Variants in GRIN2B observed in about 807,000 individuals in gnomAD.
The protein encoded by GRIN2B is glutamate ionotropic receptor NMDA type subunit 2B, also known as glutamate receptor ionotropic, NMDA 2B.
In GRIN2B, 5 loss-of-function variants were observed where a neutral mutation model predicts 114.5. The ratio of observed to expected loss-of-function variants is 0.04; its 90% confidence interval spans 0.02 to 0.09. GRIN2B has a LOEUF of 0.09. Among genes scored for constraint, GRIN2B ranks in the 10% least tolerant of loss-of-function variants. The pLI is 1.00. For synonymous variants in GRIN2B, 787 were observed against 745.1 expected (o/e 1.06, Z -0.92); for missense variants, 1,108 against 1,943.5 (o/e 0.57, Z 8.08).
intron 10 of GRIN2B, among the ~76,000 whole-genome samples, chr12:13,593,186 G>GA (rs1949030451): frequency 6.6e-6 from 1 of 152,070 alleles, no homozygotes; most frequent in Non-Finnish European, 1.5e-5. Context: ...CACAGAATTG[G>GA]AAAAAACTAC....
intron 2 of GRIN2B, among the ~76,000 whole-genome samples, chr12:13,888,795 A>T (rs1591604661): frequency 8.3e-6 from 1 of 120,394 alleles, no homozygotes; most frequent in African/African-American, 2.6e-5. Context: ...TAAAAGATAA[A>T]AAAAAAAAAA....
chr12:13,763,574 A>G (rs1050813019), intron 3 of GRIN2B, among the ~76,000 whole-genome samples: 1 of 152,052 alleles, frequency 6.6e-6, no homozygotes, highest in African/African-American at 2.4e-5. Flanking sequence ...CCTGTTCTAT[A>G]CGAGATGATT....
rs926635079 is a variant in GRIN2B, at chr12:13,615,473, C to T, written c.1500+20G>A. 3 of 1,600,264 alleles carry T rather than the reference C, an allele frequency of 1.9e-6. No homozygotes were observed. Among genetic ancestry groups the T allele is most frequent in the Non-Finnish European group, 2.6e-6 (3 of 1,167,544 alleles). ...AAATAAATGAAAATGGAAATGGAAACAGCCCTTGTGGACACTCACCTCTCC... is the reference window on the plus strand; with the variant it reads ...AAATAAATGAAAATGGAAATGGAAATAGCCCTTGTGGACACTCACCTCTCC... On this transcript the variant is annotated intron_variant, in intron 7 of 13. Coordinates refer to ENST00000609686, the MANE Select transcript of GRIN2B (RefSeq NM_000834.5). The surrounding 1 kb of genome is among the most constrained non-coding windows in gnomAD (Gnocchi z 5.8).
intron 4 of GRIN2B, among the ~76,000 whole-genome samples, chr12:13,716,484 T>C (rs1199659789): frequency 7.2e-5 from 11 of 151,920 alleles, no homozygotes; most frequent in Non-Finnish European, 1.5e-4. Flanking sequence ...TGACTTTGAA[T>C]ATCTTACCGT....
rs559755945 is a variant in GRIN2B at position 13,766,808 on chromosome 12, A to G, written c.412-12893T>C. Among the ~76,000 whole-genome samples the G allele has an allele frequency of 9.3e-4, 141 of 152,276 alleles. 1 individual carries two copies. The Middle Eastern group carries it at 0.017, about 18-fold the overall frequency. On this transcript the variant is annotated intron_variant, in intron 3 of 13. Transcript: ENST00000609686. The stretch of plus-strand genomic sequence containing the variant: ...AATTCCTCATCTCTTCTCTTCTCTC[A>G]GTGTATTTGATTTCTTTACACTGGC...
At chr12:13,854,002 C>T (rs1262658103) in intron 3 of GRIN2B, among the ~76,000 whole-genome samples, 1 of 152,010 alleles carries the variant, frequency 6.6e-6, no homozygotes, top group African/African-American at 2.4e-5. Flanking sequence ...GAACTACTAC[C>T]ATTACTTACA....
At chr12:13,724,223 A>G (rs1862935318) in intron 4 of GRIN2B, among the ~76,000 whole-genome samples, 1 of 152,202 alleles carries the variant, frequency 6.6e-6, no homozygotes, top group African/African-American at 2.4e-5. Flanking sequence ...GAGCCAGGTC[A>G]TAGCACAACT....
chr12:13,950,048 C>T (rs886449214), intron 2 of GRIN2B, among the ~76,000 whole-genome samples: 2 of 152,152 alleles, frequency 1.3e-5, no homozygotes, highest in Middle Eastern at 6.8e-3. Context: ...AAATAAGAGA[C>T]AACCAGAGGA....
intron 10 of GRIN2B, among the ~76,000 whole-genome samples, chr12:13,584,090 G>A (rs1249245526): frequency 1.3e-5 from 2 of 152,142 alleles, no homozygotes; most frequent in African/African-American, 4.8e-5. Flanking sequence ...CGAAGGAGAG[G>A]AAGCGGCAGA....
At position 13,562,907 on chromosome 12, in the gene GRIN2B, T is replaced by G; in HGVS notation, c.4331A>C (p.Lys1444Thr). Residue 1444 changes from lysine (K) to threonine (T), a missense_variant, in exon 14 of 14, where the codon AAG (lysine) becomes ACG (threonine). Physicochemically the swap from Lys to Thr is moderately conservative, Grantham distance 78. Around this residue, in one of 19 missense-constraint regions of GRIN2B, gnomAD observed 478 missense variants for 506.0 expected, o/e 0.94. Coordinates refer to ENST00000609686, the MANE Select transcript of GRIN2B (RefSeq NM_000834.5). The stretch of plus-strand genomic sequence containing the variant: ...GGACTGGTTCCCTATACAGATGTCC[T>G]TCTGGAAACGGGCTGGCACGGCCCC... ...LHGAVPARFQ[K>T]DICIGNQSNP... The G allele has an allele frequency of 1.2e-6, 2 of 1,614,216 alleles. No individual in the cohort carries two copies. Among genetic ancestry groups the G allele is most frequent in the Non-Finnish European group, 1.7e-6 (2 of 1,180,032 alleles).
At chr12:13,890,610 G>A (rs1232938269) in intron 2 of GRIN2B, among the ~76,000 whole-genome samples, 1 of 152,136 alleles carries the variant, frequency 6.6e-6, no homozygotes, top group African/African-American at 2.4e-5. Flanking sequence ...TTTACTTAGT[G>A]TATATATTTC....
intron 2 of GRIN2B, among the ~76,000 whole-genome samples, chr12:13,962,253 C>T (rs892380399): frequency 2.0e-5 from 3 of 152,102 alleles, no homozygotes; most frequent in African/African-American, 7.2e-5. Flanking sequence ...CAGAGGGAGG[C>T]TCACGCTCTT....
intron 3 of GRIN2B, among the ~76,000 whole-genome samples, chr12:13,822,719 T>C (rs1443551408): frequency 1.3e-5 from 2 of 152,148 alleles, no homozygotes; most frequent in African/African-American, 4.8e-5. Flanking sequence ...ATTTAGTCTT[T>C]ACACATTTTA....
intron 2 of GRIN2B, among the ~76,000 whole-genome samples, chr12:13,951,906 G>T (rs1219200044): frequency 6.6e-6 from 1 of 151,914 alleles, no homozygotes; most frequent in Non-Finnish European, 1.5e-5. Context: ...GAAGAGGGGA[G>T]AAAAAGAAAG....
At chr12:13,660,071 G>A (rs1330243194) in intron 5 of GRIN2B, among the ~76,000 whole-genome samples, 1 of 152,148 alleles carries the variant, frequency 6.6e-6, no homozygotes, top group Non-Finnish European at 1.5e-5. Context: ...CTCACAGCGA[G>A]GTGGCTGGCT....
chr12:13,640,580 A>C (rs1163013308), intron 5 of GRIN2B, among the ~76,000 whole-genome samples: 2 of 152,140 alleles, frequency 1.3e-5, no homozygotes, highest in Non-Finnish European at 2.9e-5. Flanking sequence ...CTTTATTCCG[A>C]ATCTGGCTTT....
At chr12:13,824,133 T>C (rs185759318) in intron 3 of GRIN2B, among the ~76,000 whole-genome samples, 2 of 152,156 alleles carry the variant, frequency 1.3e-5, no homozygotes, top group African/African-American at 4.8e-5. Flanking sequence ...AGGAAAAGAA[T>C]ACTGATAAGG....
At chr12:13,981,765 CAGGAGGGG>C (rs897625481), upstream of GRIN2B, among the ~76,000 whole-genome samples, 1 of 146,840 alleles carries the variant, frequency 6.8e-6, no homozygotes, top group Non-Finnish European at 1.5e-5. Context: ...AGAGGGAGAG[CAGGAGGGG>C]AGGAGGGGAG....
intron 2 of GRIN2B, among the ~76,000 whole-genome samples, chr12:13,880,338 C>G (rs1866052111): frequency 6.6e-6 from 1 of 152,176 alleles, no homozygotes; most frequent in South Asian, 2.1e-4. Context: ...AGCAAGAGCC[C>G]ACGGAAGGAA....
Sources: gnomAD v4.1 joint callset for allele counts (sites outside exome capture counted in the v4.1 genomes callset) on GRCh38, gnomAD v4.1.1 for gene constraint, gnomAD v4.1.1 regional missense constraint, Gnocchi (gnomAD v3.1) non-coding constraint, MANE v1.5 for transcripts, NCBI Gene and HGNC (gene_info 2026-07-23, HGNC 2026-07-21) for gene names.